The following DPM1 variants were observed in gnomAD, a reference collection of about 807,000 sequenced individuals.
The protein encoded by DPM1 is dolichyl-phosphate mannosyltransferase subunit 1, catalytic.
DPM1 carries 27 observed loss-of-function variants against 39.0 expected under a neutral mutation model. The ratio of observed to expected loss-of-function variants is 0.69; its 90% confidence interval spans 0.51 to 0.95. The LOEUF (loss-of-function observed/expected upper bound fraction) is 0.95, where lower values mean the gene tolerates loss of function less well. DPM1 is among the 40% of genes least tolerant of loss of function. The probability of loss-of-function intolerance (pLI) is 0.00; values close to 1 mark genes in which losing one functional copy is unlikely to be tolerated. For missense variants in DPM1, 307 were observed against 315.6 expected (o/e 0.97, Z 0.21); for synonymous variants, 124 against 109.0 (o/e 1.14, Z -0.86).
chr20:50,944,289 TA>T (rs2123109629), intron 5 of DPM1: 1 of 152,376 alleles, frequency 6.6e-6, no homozygotes, highest in East Asian at 1.9e-4. Flanking sequence ...CGTCTTCTTT[TA>T]TTAGCCATTT....
At chr20:50,952,761 T>G (rs1055826549) in intron 2 of DPM1, among the ~76,000 whole-genome samples, 1 of 152,210 alleles carries the variant, frequency 6.6e-6, no homozygotes, top group Non-Finnish European at 1.5e-5. Flanking sequence ...TATCTTACAT[T>G]TGATGTTTTA....
intron 7 of DPM1, among the ~76,000 whole-genome samples, chr20:50,937,202 GTT>G (rs1985255952): frequency 6.6e-6 from 1 of 152,096 alleles, no homozygotes; most frequent in Admixed American, 6.5e-5. Context: ...GTGCCTCAGG[GTT>G]TCACCCTGAA....
chr20:50,941,227 A>AATAAATATATATATATAT (rs1985713337), intron 6 of DPM1: 1 of 60,784 alleles, frequency 1.6e-5, no homozygotes, highest in African/African-American at 8.3e-5. Context: ...AAAAAAAGTG[A>AATAAATATATATATATAT]ATATATATAT....
intron 2 of DPM1, among the ~76,000 whole-genome samples, chr20:50,948,904 A>T (rs1986432602): frequency 6.6e-6 from 1 of 151,196 alleles, no homozygotes; most frequent in Non-Finnish European, 1.5e-5. Flanking sequence ...TCTGTTGCCT[A>T]GGCTGGAGTA....
At chr20:50,946,052 G>A (rs541077542) in intron 3 of DPM1, 129 bp from the exon 4 acceptor site, 348 of 818,798 alleles carry the variant, frequency 4.3e-4, no homozygotes, top group Non-Finnish European at 6.3e-4. Context: ...TAATAAATTG[G>A]TATTTTTCAC....
At chr20:50,942,949 AG>A (rs1448669768) in intron 5 of DPM1, among the ~76,000 whole-genome samples, 3 of 152,180 alleles carry the variant, frequency 2.0e-5, no homozygotes, top group Admixed American at 2.0e-4. Context: ...AGGCCTAGGC[AG>A]GTGGATCACT....
At position 50,958,415 on chromosome 20, in the gene DPM1, G is replaced by T. The variant is rs369939483; in HGVS notation, c.109C>A (p.Arg37Ser). The T allele has an allele frequency of 3.1e-6, 5 of 1,613,944 alleles. No homozygotes were observed. In the African/African-American group the frequency reaches 6.7e-5, roughly 22 times the overall value. ...YSVLLPTYNE[R>S]ENLPLIVWLL... ...CACACGATGAGCGGCAGGTTCTCGC[G>T]CTCGTTGTAGGTAGGTAAAAGCACC... The change falls in exon 1 of 9, where the codon CGC becomes AGC. Residue 37 changes from arginine to serine, a missense_variant. Physicochemically the swap from Arg to Ser is moderately radical, Grantham distance 110. Transcript: ENST00000371588.
chr20:50,955,393 ATTAATCG>A, intron 1 of DPM1, 108 bp from the exon 2 acceptor site: 1 of 788,370 alleles, frequency 1.3e-6, no homozygotes, highest in Non-Finnish European at 2.1e-6. Flanking sequence ...GTATTGCTAT[ATTAATCG>A]TTGAGGAAAA....
At chr20:50,952,488 C>T (rs55987409) in intron 2 of DPM1, among the ~76,000 whole-genome samples, 13,832 of 152,192 alleles carry the variant, frequency 0.091, 682 homozygotes, top group African/African-American at 0.13. Flanking sequence ...TGGACTTGTT[C>T]TATAATACTC....
chr20:50,957,672 CAT>C (rs1306441852), intron 1 of DPM1, among the ~76,000 whole-genome samples: 1 of 152,196 alleles, frequency 6.6e-6, no homozygotes, highest in African/African-American at 2.4e-5. Context: ...TATGTTTGTA[CAT>C]GTTAATATGA....
Position 50,935,006 on chromosome 20 carries a change from A to G in DPM1, c.*126T>C, listed in dbSNP as rs972041411. On this transcript the variant is annotated 3_prime_UTR_variant, in exon 9 of 9. Coordinates refer to ENST00000371588, the MANE Select transcript of DPM1 (RefSeq NM_003859.3). ...AATATAAAATAGGTGGTCTTCATAA[A>G]AAGATGCATGAAATTTACCTTACCT... The G allele has an allele frequency of 9.7e-6, 6 of 618,276 alleles. No individual in the cohort carries two copies. Among genetic ancestry groups the G allele is most frequent in the Non-Finnish European group, 1.7e-5 (6 of 345,314 alleles). The allele number at this position is 618,276 out of a possible 1,614,324, so 38.3% of individuals were successfully genotyped here.
At chr20:50,955,692 T>G (rs1485680447) in intron 1 of DPM1, among the ~76,000 whole-genome samples, 1 of 151,902 alleles carries the variant, frequency 6.6e-6, no homozygotes, top group Non-Finnish European at 1.5e-5. Flanking sequence ...GCCTCCGGAG[T>G]AGCTGGGACT....
chr20:50,942,238 T>A (rs1985901266), intron 5 of DPM1, 112 bp from the exon 6 acceptor site: 3 of 956,728 alleles, frequency 3.1e-6, no homozygotes, highest in Non-Finnish European at 5.0e-6. Flanking sequence ...CTGGGTGCAG[T>A]GGCTCACGCC....
chr20:50,950,943 CT>C (rs1986542369), intron 2 of DPM1, among the ~76,000 whole-genome samples: 2 of 152,182 alleles, frequency 1.3e-5, no homozygotes, highest in African/African-American at 4.8e-5. Context: ...CCAAGTGATA[CT>C]TTCTAAGACC....
intron 8 of DPM1, among the ~76,000 whole-genome samples, chr20:50,935,622 C>T (rs1985082897): frequency 6.6e-6 from 1 of 152,146 alleles, no homozygotes; most frequent in African/African-American, 2.4e-5. Flanking sequence ...TAGCTTGTAA[C>T]TTCCACAAGA....
intron 1 of DPM1, among the ~76,000 whole-genome samples, chr20:50,957,982 G>A (rs759972271): frequency 3.3e-5 from 5 of 152,208 alleles, no homozygotes; most frequent in Non-Finnish European, 7.3e-5. Context: ...CCGGAGCGGA[G>A]AGTGAGAGCT....
chr20:50,941,170 C>A, intron 6 of DPM1: 1 of 477,704 alleles, frequency 2.1e-6, no homozygotes, highest in Non-Finnish European at 3.6e-6. Flanking sequence ...CACTTGAGCC[C>A]AGGAGTGACC....
intron 5 of DPM1, among the ~76,000 whole-genome samples, chr20:50,943,429 G>GGCTCACT (rs141576626): frequency 0.26 from 39,017 of 150,236 alleles, 5,141 homozygotes; most frequent in Admixed American, 0.27. Flanking sequence ...GCGCCATCTC[G>GGCTCACT]GCTCACTGCA....
At chr20:50,953,721 A>G (rs1471638750) in intron 2 of DPM1, among the ~76,000 whole-genome samples, 1 of 152,194 alleles carries the variant, frequency 6.6e-6, no homozygotes, top group African/African-American at 2.4e-5. Flanking sequence ...CCTAAAATCA[A>G]TCAATCACAT....
Sources: allele counts gnomAD v4.1 joint callset (sites outside exome capture counted in the v4.1 genomes callset), GRCh38; gene constraint gnomAD v4.1.1; transcripts MANE v1.5; gene names NCBI Gene and HGNC (gene_info 2026-07-23, HGNC 2026-07-21).